The following PHLDB1 variants were observed in gnomAD, a reference collection of about 807,000 sequenced individuals.
PHLDB1 encodes the protein pleckstrin homology like domain family B member 1, also known as pleckstrin homology-like domain family B member 1.
In PHLDB1, 65 loss-of-function variants were observed where a neutral mutation model predicts 139.3. That is an observed-to-expected ratio of 0.47 (90% CI 0.38 to 0.57). PHLDB1 has a LOEUF of 0.57. Among genes scored for constraint, PHLDB1 ranks in the 20% least tolerant of loss-of-function variants. PHLDB1 has a pLI of 0.00. For missense variants in PHLDB1, 1,624 were observed against 1,839.7 expected (o/e 0.88, Z 2.14); for synonymous variants, 679 against 734.5 (o/e 0.92, Z 1.22).
rs972918425 is a variant in PHLDB1 at position 118,620,100 on chromosome 11, G to A, written c.355+3889G>A. ...TGTGTCAGGCTGTGTGAGCTGCTGA[G>A]AGCATAAAACATTGTGTCCCGTAAG... On this transcript the variant is annotated intron_variant, in intron 4 of 22. Coordinates refer to ENST00000600882, the MANE Select transcript of PHLDB1 (RefSeq NM_001144758.3). The surrounding 1 kb of genome is among the most constrained non-coding windows in gnomAD (Gnocchi z 4.1). Among the ~76,000 whole-genome samples the A allele has an allele frequency of 6.6e-6, 1 of 152,240 alleles. No homozygotes were observed. The highest frequency in any genetic ancestry group is 1.5e-5 in the Non-Finnish European group (1 of 68,048).
intron 4 of PHLDB1, among the ~76,000 whole-genome samples, chr11:118,618,207 TC>T (rs1942041261): frequency 6.6e-6 from 1 of 151,952 alleles, no homozygotes; most frequent in Admixed American, 6.6e-5. Flanking sequence ...CCATTTTCCC[TC>T]CCCAACCCCC....
At chr11:118,653,752 T>C (rs781987649) in intron 20 of PHLDB1, 5 of 152,116 alleles carry the variant, frequency 3.3e-5, no homozygotes, top group Non-Finnish European at 5.9e-5. Flanking sequence ...GTTGTTTGTG[T>C]TGGGGGAGGT....
In PHLDB1 at chr11:118,632,205, G is replaced by A. The variant is rs1944927725; in HGVS notation, c.2288G>A (p.Arg763Gln). Residue 763 changes from arginine to glutamine, a missense_variant, in exon 9 of 23, where the codon CGG becomes CAG. Physicochemically the swap from Arg to Gln is conservative, Grantham distance 43. Coordinates refer to ENST00000600882, the MANE Select transcript of PHLDB1 (RefSeq NM_001144758.3). This position sits in a 1 kb window ranked among gnomAD's most constrained non-coding sequence, Gnocchi z 5.9. ...ALLQGEREAE[R>Q]ALLQKEQKAV... ...CTGCAGGGAGAGAGGGAGGCAGAGC[G>A]GGCACTGCTGCAGAAGGAGCAGAAG... 5.0e-6 allele frequency: 8 copies of A among 1,614,126 alleles called. No individual in the cohort carries two copies. The highest frequency in any genetic ancestry group is 3.3e-5 in the South Asian group (3 of 91,074).
At position 118,608,285 on chromosome 11, in the gene PHLDB1, C is replaced by T. The variant is rs890673961; in HGVS notation, c.-22+586C>T. Among the ~76,000 whole-genome samples the T allele has an allele frequency of 2.0e-5, 3 of 152,044 alleles. No homozygotes were observed. Among genetic ancestry groups the T allele is most frequent in the African/African-American group, 7.2e-5 (3 of 41,420 alleles). On this transcript the variant is annotated intron_variant, in intron 1 of 22. Transcript: ENST00000600882. The surrounding 1 kb of genome is among the most constrained non-coding windows in gnomAD (Gnocchi z 6.7). Reference sequence around the variant, plus strand: ...GGAAGCCCGCCTGGGGCCTCCCAGGCACTCCCCAAGGCCCCACGTCCTCGG... The same window carrying T: ...GGAAGCCCGCCTGGGGCCTCCCAGGTACTCCCCAAGGCCCCACGTCCTCGG...
chr11:118,627,474 C>G lies in PHLDB1; in HGVS notation c.651C>G (p.Ala217=). The change falls in exon 6 of 23, where the codon GCC becomes GCG. Residue 217 remains alanine, a synonymous_variant. Transcript: ENST00000600882. ...EEPGAAGKKP[A]ATSPLSPMAN... ...CTGGAGCTGCTGGCAAGAAGCCTGC[C>G]GCAACCTCTCCACTGTCACCGATGG... 1 of 1,614,170 alleles carries G rather than the reference C, an allele frequency of 6.2e-7. No homozygotes were observed. Among genetic ancestry groups the G allele is most frequent in the Non-Finnish European group, 8.5e-7 (1 of 1,180,022 alleles).
rs782282164 is a variant in PHLDB1 at position 118,627,871 on chromosome 11, C to A, written c.1048C>A (p.Pro350Thr). Reference protein sequence around the residue: ...LAEARRATESPRLGGQLPVVA... With the variant: ...LAEARRATESTRLGGQLPVVA... ...GGAGGCCCGGAGAGCCACTGAGAGCCCCCGGCTGGGTGGGCAGCTGCCTGT... is the reference window on the plus strand; with the variant it reads ...GGAGGCCCGGAGAGCCACTGAGAGCACCCGGCTGGGTGGGCAGCTGCCTGT... Residue 350 changes from proline to threonine, a missense_variant, in exon 6 of 23, where the codon CCC (proline) becomes ACC (threonine). By Grantham distance (38) the Pro-to-Thr change is conservative (BLOSUM62 -1). Transcript: ENST00000600882. 1.3e-5 allele frequency: 21 copies of A among 1,609,278 alleles called. No individual in the cohort carries two copies. The highest frequency in any genetic ancestry group is 4.2e-6 in the Non-Finnish European group (5 of 1,179,922).
rs1388853875 is a variant in PHLDB1 at position 118,629,019 on chromosome 11, AG to A, written c.1827+370del. 5.9e-5 allele frequency among the ~76,000 whole-genome samples: 9 copies of A among 152,264 alleles called. 1 individual carries two copies. The highest frequency in any genetic ancestry group is 5.2e-4 in the Admixed American group (8 of 15,290). On this transcript the variant is annotated intron_variant, in intron 6 of 22. Coordinates refer to ENST00000600882, the MANE Select transcript of PHLDB1 (RefSeq NM_001144758.3). Reference sequence around the variant, plus strand: ...GTTTGAGAAGCAGTTGGTGATCATGAGTAGGCTGAAGCTCAGAGAGGGGAAT... The same window carrying A: ...GTTTGAGAAGCAGTTGGTGATCATGATAGGCTGAAGCTCAGAGAGGGGAAT...
In PHLDB1 at chr11:118,620,492, C is replaced by CA. The variant is rs1404123749; in HGVS notation, c.355+4288dup. ...GGGCAACAAGAATGAAACTCCATCT[C>CA]AAAAAAACAGAACAAAACAAAACAA... On this transcript the variant is annotated intron_variant, in intron 4 of 22. Coordinates refer to ENST00000600882, the MANE Select transcript of PHLDB1 (RefSeq NM_001144758.3). This position sits in a 1 kb window ranked among gnomAD's most constrained non-coding sequence, Gnocchi z 4.1. Among the ~76,000 whole-genome samples, 8 of 152,138 alleles carry CA rather than the reference C, an allele frequency of 5.3e-5. No homozygotes were observed. In the East Asian group the frequency reaches 5.8e-4, roughly 11 times the overall value.
At position 118,608,802 on chromosome 11, in the gene PHLDB1, C is replaced by T. The variant is rs782774184; in HGVS notation, c.-22+1103C>T. On this transcript the variant is annotated intron_variant, in intron 1 of 22. Coordinates refer to ENST00000600882, the MANE Select transcript of PHLDB1 (RefSeq NM_001144758.3). This position sits in a 1 kb window ranked among gnomAD's most constrained non-coding sequence, Gnocchi z 6.7. The stretch of plus-strand genomic sequence containing the variant: ...CCGAGGCCTTCCCACGCACTCCATG[C>T]CTTACGCCTCACAGGAAAGCGCCCC... Among the ~76,000 whole-genome samples, 6 of 152,142 alleles carry T rather than the reference C, an allele frequency of 3.9e-5. No homozygotes were observed. The highest frequency in any genetic ancestry group is 7.4e-5 in the Non-Finnish European group (5 of 68,008).
At chr11:118,656,430 GC>G (rs1320158514) in intron 22 of PHLDB1, among the ~76,000 whole-genome samples, 1 of 152,170 alleles carries the variant, frequency 6.6e-6, no homozygotes, top group Non-Finnish European at 1.5e-5. Flanking sequence ...AAGGACCAGT[GC>G]CCCCCTTGTC....
chr11:118,627,273 C>T (rs369284239), intron 5 of PHLDB1, 32 bp from the exon 6 acceptor site: 1 of 1,609,204 alleles, frequency 6.2e-7, no homozygotes, highest in South Asian at 1.1e-5. Flanking sequence ...ATGCAGCTCC[C>T]TAAAGTCAAA....
chr11:118,612,784 G>A (rs551590913), intron 1 of PHLDB1, among the ~76,000 whole-genome samples: 3 of 152,348 alleles, frequency 2.0e-5, no homozygotes, highest in Admixed American at 2.0e-4. Context: ...ATGGCTTGAA[G>A]AGAGAGTGGA....
rs782414287 is a variant in PHLDB1 at position 118,616,112 on chromosome 11, T to A, written c.256T>A (p.Tyr86Asn). 3.2e-5 allele frequency: 51 copies of A among 1,613,958 alleles called. No homozygotes were observed. Among genetic ancestry groups the A allele is most frequent in the Non-Finnish European group, 4.3e-5 (51 of 1,179,926 alleles). Reference sequence around the variant, plus strand: ...CCCAGGCCTGGCTCCAGAGCACTGCTACATCGAGAACCTGCGGGGCACCCT... The same window carrying A: ...CCCAGGCCTGGCTCCAGAGCACTGCAACATCGAGAACCTGCGGGGCACCCT... ...QGPGLAPEHC[Y>N]IENLRGTLTL... Residue 86 changes from tyrosine to asparagine, a missense_variant, in exon 4 of 23, where the codon TAC becomes AAC. By Grantham distance (143) the Tyr-to-Asn change is moderately radical (BLOSUM62 -2). Coordinates refer to ENST00000600882, the MANE Select transcript of PHLDB1 (RefSeq NM_001144758.3).
At chr11:118,641,819 A>G in intron 12 of PHLDB1, 1 of 1,269,308 alleles carries the variant, frequency 7.9e-7, no homozygotes. Context: ...ACCCCCACCC[A>G]TGACTGGTGT....
At position 118,656,741 on chromosome 11, in the gene PHLDB1, T is replaced by C. The variant is rs1949124210; in HGVS notation, c.4052T>C (p.Val1351Ala). The change falls in exon 23 of 23, where the codon GTG (valine) becomes GCG (alanine). Residue 1351 changes from valine (V) to alanine (A), a missense_variant. By Grantham distance (64) the Val-to-Ala change is moderately conservative. Transcript: ENST00000600882. ...ACCCATGACCGGCTGTACTACATGG[T>C]GGCCCCATCTGCAGAGGCCATGCGT... ...VKTHDRLYYM[V>A]APSAEAMRIW... The C allele has an allele frequency of 1.2e-6, 2 of 1,613,834 alleles. No individual in the cohort carries two copies. The highest frequency in any genetic ancestry group is 1.3e-5 in the African/African-American group (1 of 74,932).
rs117947426 is a variant in PHLDB1, at chr11:118,648,037, C to G, written c.3615C>G (p.Val1205=). 6.2e-7 allele frequency: 1 copy of G among 1,613,212 alleles called. No homozygotes were observed. Among genetic ancestry groups the G allele is most frequent in the South Asian group, 1.1e-5 (1 of 90,888 alleles). The change falls in exon 18 of 23, where the codon GTC becomes GTG. Residue 1205 remains valine, a synonymous_variant. Coordinates refer to ENST00000600882, the MANE Select transcript of PHLDB1 (RefSeq NM_001144758.3). The part of the protein sequence containing the change: ...QSESARRQQL[V]EKEVKMREKQ... The stretch of plus-strand genomic sequence containing the variant: ...AGAGTGCCCGGAGGCAGCAGCTGGT[C>G]GAGAAGGAGGTCAAGATGCGGGAGA...
rs781810580 is a variant in PHLDB1 at position 118,628,223 on chromosome 11, G to A, written c.1400G>A (p.Arg467Gln). The A allele has an allele frequency of 2.8e-5, 45 of 1,613,946 alleles. No individual in the cohort carries two copies. The highest frequency in any genetic ancestry group is 4.0e-5 in the African/African-American group (3 of 74,902). ...LPPLSPSLSR[R>Q]ALSPLPTRTT... is the part of the protein sequence containing the mutation. ...CCCTTAAGTCCATCTCTGTCCCGGCGAGCTCTCTCCCCGCTGCCCACCCGG... is the reference window on the plus strand; with the variant it reads ...CCCTTAAGTCCATCTCTGTCCCGGCAAGCTCTCTCCCCGCTGCCCACCCGG... Residue 467 changes from arginine to glutamine, a missense_variant, in exon 6 of 23, where the codon CGA becomes CAA. Physicochemically the swap from Arg to Gln is conservative, Grantham distance 43 (BLOSUM62 1). Transcript: ENST00000600882.
In PHLDB1 at chr11:118,611,835, T is replaced by A. The variant is rs797028081; in HGVS notation, c.-21-1981T>A. Reference sequence around the variant, plus strand: ...CTCCGTCTCAAAAAAAAAAAAAAAATAATAATAATAATAATAAATGGCATT... The same window carrying A: ...CTCCGTCTCAAAAAAAAAAAAAAAAAAATAATAATAATAATAAATGGCATT... On this transcript the variant is annotated intron_variant, in intron 1 of 22. Transcript: ENST00000600882. The surrounding 1 kb of genome is among the most constrained non-coding windows in gnomAD (Gnocchi z 4.7). Among the ~76,000 whole-genome samples the A allele has an allele frequency of 0.021, 3,145 of 147,718 alleles. 36 individuals are homozygous for A. The highest frequency in any genetic ancestry group is 0.041 in the South Asian group (189 of 4,652).
intron 1 of PHLDB1, chr11:118,613,442 C>G (rs1267439346): frequency 6.0e-6 from 6 of 993,966 alleles, no homozygotes; most frequent in Middle Eastern, 5.1e-4. Context: ...TGCTGCTTCT[C>G]CCACTAAGGT....
Sources: gnomAD v4.1 joint callset for allele counts (sites outside exome capture counted in the v4.1 genomes callset) on GRCh38, gnomAD v4.1.1 for gene constraint, Gnocchi (gnomAD v3.1) non-coding constraint, MANE v1.5 for transcripts, NCBI Gene and HGNC (gene_info 2026-07-23, HGNC 2026-07-21) for gene names.